MAGI2: variants seen among roughly 807,000 people sequenced by gnomAD.
MAGI2 encodes membrane associated guanylate kinase, WW and PDZ domain containing 2.
MAGI2 carries 35 observed loss-of-function variants against 133.3 expected under a neutral mutation model. The ratio of observed to expected loss-of-function variants is 0.26; its 90% CI spans 0.20 to 0.35. MAGI2 has a LOEUF of 0.35. Ranked by LOEUF, MAGI2 falls within the 10% of genes least tolerant of loss-of-function variation. MAGI2 has a pLI of 1.00. For synonymous variants in MAGI2, 729 were observed against 710.6 expected, an observed-to-expected ratio of 1.03 and a Z score of -0.41; for missense variants, 1,636 against 1,863.4, an observed-to-expected ratio of 0.88 and a Z score of 2.25.
intron 1 of MAGI2, among the ~76,000 whole-genome samples, chr7:79,253,154 C>T (rs1833441196): frequency 6.6e-6 from 1 of 152,136 alleles, no homozygotes; most frequent in Non-Finnish European, 1.5e-5. Flanking sequence ...CAGAAAGTGT[C>T]ATTTTTATTA....
At chr7:78,807,941 G>T (rs759853941) in intron 2 of MAGI2, among the ~76,000 whole-genome samples, 1 of 152,098 alleles carries the variant, frequency 6.6e-6, no homozygotes, top group Non-Finnish European at 1.5e-5. Context: ...AGATGCTAGT[G>T]CCTTGCCCCA....
chr7:78,152,952 A>G (rs573628641), intron 16 of MAGI2, among the ~76,000 whole-genome samples: 3 of 152,216 alleles, frequency 2.0e-5, no homozygotes, highest in Non-Finnish European at 4.4e-5. Context: ...CTGGTTAAGA[A>G]CTCTGAAAGG....
chr7:78,870,597 G>A (rs927404302), intron 2 of MAGI2, among the ~76,000 whole-genome samples: 4 of 152,092 alleles, frequency 2.6e-5, no homozygotes, highest in African/African-American at 9.7e-5. Flanking sequence ...TACATTGCTG[G>A]TGGGAATGTA....
At chr7:78,733,160 A>G (rs1272604976) in intron 2 of MAGI2, among the ~76,000 whole-genome samples, 1 of 152,248 alleles carries the variant, frequency 6.6e-6, no homozygotes, top group Non-Finnish European at 1.5e-5. Flanking sequence ...AGCAATCCAC[A>G]TAGCAAAATC....
intron 2 of MAGI2, among the ~76,000 whole-genome samples, chr7:79,002,285 C>A (rs1311074860): frequency 2.0e-5 from 3 of 151,082 alleles, no homozygotes; most frequent in African/African-American, 7.3e-5. Flanking sequence ...CCATGCCCGG[C>A]CAATTTTTAA....
chr7:78,219,568 C>T (rs1001579406), intron 10 of MAGI2, among the ~76,000 whole-genome samples: 13 of 152,130 alleles, frequency 8.5e-5, no homozygotes, highest in Admixed American at 7.9e-4. Flanking sequence ...TCCTTCCCCC[C>T]CACCGATGTC....
chr7:78,666,662 TC>T (rs1813625074), intron 2 of MAGI2, among the ~76,000 whole-genome samples: 1 of 152,198 alleles, frequency 6.6e-6, no homozygotes, highest in Non-Finnish European at 1.5e-5. Context: ...TTCACAGGGA[TC>T]ATCCAAAGTA....
intron 1 of MAGI2, among the ~76,000 whole-genome samples, chr7:79,285,259 G>T (rs1372252114): frequency 6.6e-6 from 1 of 151,544 alleles, no homozygotes; most frequent in Non-Finnish European, 1.5e-5. Flanking sequence ...TTTTATAATA[G>T]CATAAACTAA....
chr7:78,397,378 C>CACACAT lies in MAGI2; in HGVS notation c.1046-28166_1046-28165insATGTGT, dbSNP rs1435312999. ...CATTTGAAATTCCTACACACACACA[C>CACACAT]ACACACACACACACACACACCCCTT... On this transcript the variant is annotated intron_variant, in intron 6 of 21. Coordinates refer to ENST00000354212, the MANE Select transcript of MAGI2 (RefSeq NM_012301.4). Among the ~76,000 whole-genome samples the CACACAT allele has an allele frequency of 2.3e-3, 345 of 151,798 alleles. 2 individuals carry two copies. The highest frequency in any genetic ancestry group is 7.8e-3 in the African/African-American group (324 of 41,362).
chr7:78,408,594 A>G (rs1291975786), intron 6 of MAGI2, among the ~76,000 whole-genome samples: 1 of 152,084 alleles, frequency 6.6e-6, no homozygotes, highest in African/African-American at 2.4e-5. Flanking sequence ...ACCTTGGTCA[A>G]TTAGTAAGCA....
At chr7:78,820,533 T>G (rs949153637) in intron 2 of MAGI2, among the ~76,000 whole-genome samples, 3 of 151,886 alleles carry the variant, frequency 2.0e-5, no homozygotes, top group Non-Finnish European at 2.9e-5. Context: ...TTTCCTGATT[T>G]TAAAAAAGTG....
intron 2 of MAGI2, among the ~76,000 whole-genome samples, chr7:78,822,685 G>C (rs185628624): frequency 1.3e-5 from 2 of 151,988 alleles, no homozygotes; most frequent in African/African-American, 4.8e-5. Flanking sequence ...CTACTAAAAA[G>C]TTTTTCCCCA....
chr7:78,885,543 C>T (rs1796196082), intron 2 of MAGI2, among the ~76,000 whole-genome samples: 1 of 151,842 alleles, frequency 6.6e-6, no homozygotes, highest in Admixed American at 6.6e-5. Flanking sequence ...AGGAACTTTA[C>T]AAAGAGCACA....
chr7:78,357,869 A>G (rs1237337137), intron 7 of MAGI2, among the ~76,000 whole-genome samples: 2 of 151,958 alleles, frequency 1.3e-5, no homozygotes, highest in Non-Finnish European at 2.9e-5. Context: ...TTTGATGATA[A>G]AAGTTTCTAT....
At chr7:78,976,702 CA>C (rs1217221678) in intron 2 of MAGI2, among the ~76,000 whole-genome samples, 6 of 89,744 alleles carry the variant, frequency 6.7e-5, no homozygotes, top group Non-Finnish European at 1.3e-4. Context: ...GTAGAAACAC[CA>C]AAAAAACTAC....
chr7:79,194,587 T>C (rs957363448), intron 1 of MAGI2, among the ~76,000 whole-genome samples: 32 of 152,078 alleles, frequency 2.1e-4, no homozygotes, highest in African/African-American at 7.0e-4. Context: ...CTTTACTACA[T>C]TGAATCTAGT....
intron 1 of MAGI2, among the ~76,000 whole-genome samples, chr7:79,171,303 C>A (rs1562960547): frequency 6.6e-6 from 1 of 151,974 alleles, no homozygotes; most frequent in East Asian, 1.9e-4. Context: ...GTATTCTCCC[C>A]CTGAGTGTGC....
chr7:78,403,821 C>T (rs980374138), intron 6 of MAGI2, among the ~76,000 whole-genome samples: 5 of 152,052 alleles, frequency 3.3e-5, no homozygotes, highest in African/African-American at 1.2e-4. Context: ...TCTGGTCAAT[C>T]AGGCAGGAGA....
chr7:78,501,477 T>G (rs569585420), intron 5 of MAGI2, 100 bp downstream of exon 5: 55 of 1,053,772 alleles, frequency 5.2e-5, no homozygotes, highest in Middle Eastern at 4.3e-4. Flanking sequence ...GAATTTCATG[T>G]TTTTTTCTTT....
Sources: gnomAD v4.1 joint callset for allele counts (sites outside exome capture counted in the v4.1 genomes callset) on GRCh38, gnomAD v4.1.1 for gene constraint, MANE v1.5 for transcripts, NCBI Gene and HGNC (gene_info 2026-07-23, HGNC 2026-07-21) for gene names.